The following IL7 variants were observed in gnomAD, a reference collection of about 807,000 sequenced individuals.
IL7 encodes interleukin 7.
Under a neutral mutation model 21.6 loss-of-function variants are expected in IL7, and 3 were observed. The observed-to-expected ratio is 0.14, with a 90% CI of 0.06 to 0.36. IL7 has a LOEUF of 0.36. IL7 is among the 10% of genes least tolerant of loss of function. The pLI is 1.00. For missense variants in IL7, 175 were observed against 200.2 expected (o/e 0.87, Z 0.76); for synonymous variants, 62 against 68.1 (o/e 0.91, Z 0.44).
intron 3 of IL7, among the ~76,000 whole-genome samples, chr8:78,712,788 A>C (rs186521081): frequency 1.9e-3 from 284 of 152,286 alleles, no homozygotes; most frequent in Non-Finnish European, 2.7e-3. Context: ...TTTAAATATG[A>C]AATTAGGGCC....
chr8:78,687,912 AATAT>A (rs200421095), intron 3 of IL7, among the ~76,000 whole-genome samples: 6 of 114,642 alleles, frequency 5.2e-5, no homozygotes, highest in Non-Finnish European at 1.1e-4. Flanking sequence ...TATTTATATA[AATAT>A]ATAATTATTT....
intron 3 of IL7, among the ~76,000 whole-genome samples, chr8:78,723,092 AAT>A (rs71264200): frequency 3.4e-4 from 48 of 140,480 alleles, no homozygotes; most frequent in Middle Eastern, 7.4e-3. Context: ...TAGAAGTACA[AAT>A]ATATATATAT....
At chr8:78,743,412 T>C (rs1176607334) in intron 2 of IL7, among the ~76,000 whole-genome samples, 1 of 152,162 alleles carries the variant, frequency 6.6e-6, no homozygotes, top group Non-Finnish European at 1.5e-5. Flanking sequence ...ATTTTTTGAC[T>C]TTTTAATTAT....
intron 4 of IL7, chr8:78,685,788 A>G (rs939003124): frequency 4.6e-5 from 7 of 152,344 alleles, no homozygotes; most frequent in Non-Finnish European, 1.0e-4. Flanking sequence ...TAGAGGATCT[A>G]TGGAAAAACA....
intron 3 of IL7, among the ~76,000 whole-genome samples, chr8:78,687,856 A>G (rs1289295227): frequency 1.4e-3 from 119 of 84,958 alleles, no homozygotes; most frequent in Non-Finnish European, 3.4e-3. Context: ...TATTTATATA[A>G]TATATATCTA....
intron 4 of IL7, among the ~76,000 whole-genome samples, chr8:78,682,607 G>A (rs1809825462): frequency 6.6e-6 from 1 of 152,142 alleles, no homozygotes; most frequent in South Asian, 2.1e-4. Context: ...GGGATTATGA[G>A]AACTACAATT....
intron 2 of IL7, among the ~76,000 whole-genome samples, chr8:78,770,944 C>T (rs1446206301): frequency 6.6e-6 from 1 of 151,962 alleles, no homozygotes; most frequent in Non-Finnish European, 1.5e-5. Flanking sequence ...ATAATGTTAT[C>T]TAATGTGTGT....
At chr8:78,683,487 T>G (rs1025457715) in intron 4 of IL7, among the ~76,000 whole-genome samples, 1 of 152,166 alleles carries the variant, frequency 6.6e-6, no homozygotes, top group Admixed American at 6.5e-5. Context: ...CCTTGGCCCC[T>G]TTTAGCCATG....
chr8:78,775,641 C>G (rs1490729135), intron 2 of IL7, among the ~76,000 whole-genome samples: 1 of 152,128 alleles, frequency 6.6e-6, no homozygotes, highest in African/African-American at 2.4e-5. Context: ...CAAAGCATTT[C>G]ATTTCCAGTC....
At chr8:78,697,372 T>A in intron 3 of IL7, 1 of 1,490,918 alleles carries the variant, frequency 6.7e-7, no homozygotes, top group Admixed American at 2.0e-5. Context: ...AATCAAAAAG[T>A]GATGTTGATT....
chr8:78,749,633 A>G (rs2130728251), intron 2 of IL7, among the ~76,000 whole-genome samples: 1 of 152,298 alleles, frequency 6.6e-6, no homozygotes, highest in South Asian at 2.1e-4. Context: ...CAACTTAGAG[A>G]ATTAAAAACT....
intron 3 of IL7, among the ~76,000 whole-genome samples, chr8:78,695,814 G>T (rs1810381332): frequency 6.6e-6 from 1 of 152,126 alleles, no homozygotes; most frequent in Admixed American, 6.5e-5. Context: ...TTTTTCAGGT[G>T]CTGGCATAAT....
intron 2 of IL7, among the ~76,000 whole-genome samples, chr8:78,750,939 T>C (rs1374222618): frequency 6.6e-6 from 1 of 151,972 alleles, no homozygotes; most frequent in Non-Finnish European, 1.5e-5. Flanking sequence ...GAGATTAAAA[T>C]TCTAGGAAAT....
Position 78,705,903 on chromosome 8 carries a change from G to T in IL7, n.214+15445C>A, listed in dbSNP as rs190785849. Among the ~76,000 whole-genome samples the T allele has an allele frequency of 5.8e-4, 88 of 152,138 alleles. No homozygotes were observed. The East Asian group carries it at 0.016, about 28-fold the overall frequency. ...TGTGTTGTGCTGGGTTACCACTTTC[G>T]TCCCAGTTGGCTTTGGCTCTCTGTG... On this transcript the variant is annotated intron_variant and non_coding_transcript_variant, in intron 3 of 4. Transcript: ENST00000523959.
downstream of IL7, chr8:78,715,191 C>A: frequency 6.3e-7 from 1 of 1,593,830 alleles, no homozygotes; most frequent in South Asian, 1.1e-5. Flanking sequence ...CTGTTCAATA[C>A]TTTTCCATTA....
At chr8:78,746,350 A>T (rs183947279) in intron 2 of IL7, among the ~76,000 whole-genome samples, 1 of 152,338 alleles carries the variant, frequency 6.6e-6, no homozygotes, top group East Asian at 1.9e-4. Context: ...TATTCCCAAG[A>T]TGACCTATTC....
chr8:78,752,998 T>G lies in IL7; in HGVS notation c.148-12916A>C, dbSNP rs889413335. 4.6e-5 allele frequency among the ~76,000 whole-genome samples: 7 copies of G among 152,338 alleles called. 1 individual carries two copies. Among genetic ancestry groups the G allele is most frequent in the Admixed American group, 3.9e-4 (6 of 15,304 alleles). On this transcript the variant is annotated intron_variant, in intron 2 of 5. Transcript: ENST00000263851. The stretch of plus-strand genomic sequence containing the variant: ...TTTTCTTTATCCAGTCTAACATTGA[T>G]GGGCATTTGGGTTGGTTCCAAGTCT...
At chr8:78,703,809 T>C (rs962608834) in intron 3 of IL7, among the ~76,000 whole-genome samples, 6 of 152,134 alleles carry the variant, frequency 3.9e-5, no homozygotes, top group Non-Finnish European at 8.8e-5. Context: ...GTGTGTGGAT[T>C]TGATTGTCAT....
chr8:78,738,875 G>A (rs1464317921), intron 3 of IL7, among the ~76,000 whole-genome samples: 1 of 152,096 alleles, frequency 6.6e-6, no homozygotes, highest in Non-Finnish European at 1.5e-5. Flanking sequence ...TTTAAAGTTT[G>A]TTTTCTCTAT....
Sources: allele counts gnomAD v4.1 joint callset (sites outside exome capture counted in the v4.1 genomes callset), GRCh38; gene constraint gnomAD v4.1.1; transcripts MANE v1.5; gene names NCBI Gene and HGNC (gene_info 2026-07-23, HGNC 2026-07-21).